Variants in HSD17B12 observed in about 807,000 individuals in gnomAD.
HSD17B12 encodes the protein hydroxysteroid 17-beta dehydrogenase 12.
In HSD17B12, 32 loss-of-function variants were observed where a neutral mutation model predicts 39.3. The observed-to-expected ratio is 0.81, with a 90% CI of 0.61 to 1.09. The LOEUF (loss-of-function observed/expected upper bound fraction) is 1.09. HSD17B12 is among the 50% of genes least tolerant of loss of function. The pLI is 0.00. For synonymous variants in HSD17B12, 150 were observed against 146.7 expected, an observed-to-expected ratio of 1.02 and a Z score of -0.16; for missense variants, 342 against 382.9, an observed-to-expected ratio of 0.89 and a Z score of 0.89.
intron 3 of HSD17B12, among the ~76,000 whole-genome samples, chr11:43,780,788 G>T (rs1261183210): frequency 1.3e-5 from 2 of 152,136 alleles, no homozygotes; most frequent in African/African-American, 4.8e-5. Context: ...GCTGTTGCCT[G>T]TGGTACATCT....
chr11:43,587,303 C>T, the HSD17B12 span, among the ~76,000 whole-genome samples: 1 of 118,606 alleles, frequency 8.4e-6, no homozygotes, highest in South Asian at 2.7e-4. Context: ...TGGACCTTGT[C>T]CCCAGCAAAA....
chr11:43,675,660 G>A, the HSD17B12 span, among the ~76,000 whole-genome samples: 5 of 151,848 alleles, frequency 3.3e-5, 1 homozygote, highest in Non-Finnish European at 7.4e-5. Flanking sequence ...CTCCAACACA[G>A]GCTTTAGGGA....
the HSD17B12 span, among the ~76,000 whole-genome samples, chr11:43,572,007 G>A: frequency 3.9e-5 from 6 of 152,138 alleles, no homozygotes; most frequent in Admixed American, 6.5e-5. Context: ...AAGGAGCGAC[G>A]GAGGACTAGG....
At chr11:43,806,819 G>C (rs1234594925) in intron 4 of HSD17B12, among the ~76,000 whole-genome samples, 1 of 152,154 alleles carries the variant, frequency 6.6e-6, no homozygotes, top group African/African-American at 2.4e-5. Context: ...AGCTAGAAGA[G>C]AATAATTCAA....
the HSD17B12 span, among the ~76,000 whole-genome samples, chr11:43,561,602 CT>C: frequency 6.6e-6 from 1 of 152,080 alleles, no homozygotes; most frequent in African/African-American, 2.4e-5. Context: ...GGTTGAGGGA[CT>C]TTGAGAGTTT....
intron 3 of HSD17B12, among the ~76,000 whole-genome samples, chr11:43,763,776 T>G (rs531407224): frequency 2.0e-5 from 3 of 152,048 alleles, no homozygotes; most frequent in South Asian, 2.1e-4. Context: ...TAACTGGAGT[T>G]TTCTGTATGA....
At chr11:43,848,840 A>C (rs1951504182) in intron 9 of HSD17B12, among the ~76,000 whole-genome samples, 1 of 152,144 alleles carries the variant, frequency 6.6e-6, no homozygotes, top group Non-Finnish European at 1.5e-5. Context: ...TCCTTGCAGC[A>C]TACCCACTAT....
intron 3 of HSD17B12, among the ~76,000 whole-genome samples, chr11:43,769,781 GT>G (rs1950631988): frequency 6.6e-6 from 1 of 152,202 alleles, no homozygotes. Context: ...GTGCCTGGAT[GT>G]TAGACCAGCA....
chr11:43,585,088 G>A, the HSD17B12 span, among the ~76,000 whole-genome samples: 11 of 152,370 alleles, frequency 7.2e-5, no homozygotes, highest in Admixed American at 2.6e-4. Context: ...CATTTGCCAT[G>A]TGAAGTTTCT....
intron 1 of HSD17B12, among the ~76,000 whole-genome samples, chr11:43,724,449 GT>G (rs138871963): frequency 0.019 from 2,824 of 152,204 alleles, 33 homozygotes; most frequent in Non-Finnish European, 0.025. Flanking sequence ...GTTTTAACCT[GT>G]TTGGGCTGCT....
intron 1 of HSD17B12, among the ~76,000 whole-genome samples, chr11:43,740,270 A>T (rs1950352431): frequency 6.6e-6 from 1 of 152,202 alleles, no homozygotes; most frequent in African/African-American, 2.4e-5. Context: ...ATGATAGCGT[A>T]GATTGGGGTA....
intron 4 of HSD17B12, among the ~76,000 whole-genome samples, chr11:43,807,264 C>T (rs1565096520): frequency 1.3e-5 from 2 of 152,200 alleles, no homozygotes; most frequent in Non-Finnish European, 2.9e-5. Flanking sequence ...GAGAATGTTA[C>T]TGGGAAAGCT....
chr11:43,655,936 G>A, the HSD17B12 span, among the ~76,000 whole-genome samples: 1 of 152,190 alleles, frequency 6.6e-6, no homozygotes, highest in East Asian at 1.9e-4. Flanking sequence ...AGTTAGGGAG[G>A]ATTTCCTCTT....
At chr11:43,699,251 A>G (rs534157499) in intron 1 of HSD17B12, among the ~76,000 whole-genome samples, 1 of 151,884 alleles carries the variant, frequency 6.6e-6, no homozygotes, top group Non-Finnish European at 1.5e-5. Context: ...CTCACTCAAT[A>G]CCCCACTGTT....
the HSD17B12 span, among the ~76,000 whole-genome samples, chr11:43,672,702 G>A: frequency 7.9e-5 from 12 of 151,986 alleles, no homozygotes; most frequent in African/African-American, 2.2e-4. Flanking sequence ...CACCACACCC[G>A]GCTCATTTTT....
intron 1 of HSD17B12, among the ~76,000 whole-genome samples, chr11:43,737,351 A>G (rs1950325971): frequency 6.6e-6 from 1 of 152,230 alleles, no homozygotes; most frequent in South Asian, 2.1e-4. Flanking sequence ...TTTAACCTAC[A>G]CAAACTAAAG....
At chr11:43,654,129 A>C in the HSD17B12 span, among the ~76,000 whole-genome samples, 1 of 151,816 alleles carries the variant, frequency 6.6e-6, no homozygotes, top group East Asian at 1.9e-4. Flanking sequence ...TTTGATTTGC[A>C]TTTCTCTGAT....
At chr11:43,793,105 G>A (rs369010791) in intron 3 of HSD17B12, among the ~76,000 whole-genome samples, 9 of 152,244 alleles carry the variant, frequency 5.9e-5, no homozygotes, top group African/African-American at 1.4e-4. Flanking sequence ...TAAGTGCCTC[G>A]TAGGGTTATA....
the HSD17B12 span, among the ~76,000 whole-genome samples, chr11:43,596,927 C>A: frequency 6.6e-6 from 1 of 152,220 alleles, no homozygotes; most frequent in Non-Finnish European, 1.5e-5. Context: ...CGTGGAATAA[C>A]ACAACAAACA....
Sources: gnomAD v4.1 joint callset for allele counts (sites outside exome capture counted in the v4.1 genomes callset) on GRCh38, gnomAD v4.1.1 for gene constraint, MANE v1.5 for transcripts, NCBI Gene and HGNC (gene_info 2026-07-23, HGNC 2026-07-21) for gene names.